Variants in KLHL29 observed in about 807,000 individuals in gnomAD.
The protein encoded by KLHL29 is kelch like family member 29.
In KLHL29, 21 loss-of-function variants were observed where a neutral mutation model predicts 80.4. The observed-to-expected ratio is 0.26, with a 90% CI of 0.19 to 0.38. KLHL29 has a LOEUF of 0.38. KLHL29 is among the 10% of genes least tolerant of loss of function. The pLI, the probability that KLHL29 is intolerant of heterozygous loss-of-function variation, is 1.00. For missense variants in KLHL29, 867 were observed against 1,223.9 expected (o/e 0.71, Z 4.35); for synonymous variants, 511 against 526.8 (o/e 0.97, Z 0.41).
At chr2:23,543,442 C>T (rs1489484489) in intron 2 of KLHL29, among the ~76,000 whole-genome samples, 2 of 152,094 alleles carry the variant, frequency 1.3e-5, no homozygotes, top group Non-Finnish European at 2.9e-5. Flanking sequence ...GTGCCTGACC[C>T]CCAGTAGGTA....
At chr2:23,573,128 C>G (rs1490763316) in intron 3 of KLHL29, among the ~76,000 whole-genome samples, 1 of 152,234 alleles carries the variant, frequency 6.6e-6, no homozygotes, top group Non-Finnish European at 1.5e-5. Context: ...GATTTTACAT[C>G]ATTGGAGCTT....
At chr2:23,614,265 T>C (rs564548) in intron 3 of KLHL29, among the ~76,000 whole-genome samples, 127,310 of 152,158 alleles carry the variant, frequency 0.84, 53,598 homozygotes, top group East Asian at 1. Context: ...ACCTGTGCCC[T>C]GACCACCCTG....
chr2:23,510,109 G>A (rs1665723952), intron 2 of KLHL29, among the ~76,000 whole-genome samples: 1 of 152,104 alleles, frequency 6.6e-6, no homozygotes, highest in Non-Finnish European at 1.5e-5. Context: ...AGACGGAGGT[G>A]GAGCTGAGAG....
intron 2 of KLHL29, among the ~76,000 whole-genome samples, chr2:23,545,905 C>T (rs947923877): frequency 6.6e-6 from 1 of 152,236 alleles, no homozygotes; most frequent in African/African-American, 2.4e-5. Context: ...CATCCAAGGC[C>T]AGTCCTCTGC....
chr2:23,665,504 C>T (rs1197954544), intron 5 of KLHL29, among the ~76,000 whole-genome samples: 1 of 152,218 alleles, frequency 6.6e-6, no homozygotes, highest in African/African-American at 2.4e-5. Context: ...ATGAGCTTAC[C>T]TTTTCAACTA....
intron 5 of KLHL29, among the ~76,000 whole-genome samples, chr2:23,648,586 G>A (rs1344050730): frequency 1.3e-5 from 2 of 152,078 alleles, no homozygotes; most frequent in African/African-American, 2.4e-5. Context: ...CCCTAATTCC[G>A]GGAGCTATCT....
chr2:23,543,211 C>T (rs1253616298), intron 2 of KLHL29, among the ~76,000 whole-genome samples: 2 of 152,188 alleles, frequency 1.3e-5, no homozygotes, highest in African/African-American at 2.4e-5. Context: ...ACCCGAGTCA[C>T]TCGCACACAC....
intron 1 of KLHL29, among the ~76,000 whole-genome samples, chr2:23,423,083 G>A (rs1337912267): frequency 1.3e-5 from 2 of 151,768 alleles, no homozygotes; most frequent in Admixed American, 6.6e-5. Context: ...GAGCCGTGGC[G>A]GGGAGCCGCA....
Position 23,500,548 on chromosome 2 carries a change from A to G in KLHL29, c.-46+24881A>G, listed in dbSNP as rs150243644. 6.4e-3 allele frequency among the ~76,000 whole-genome samples: 972 copies of G among 152,304 alleles called. 5 individuals are homozygous for G. The highest frequency in any genetic ancestry group is 0.017 in the Middle Eastern group (5 of 294). ...ATCTCCTGTCTTCCCCAGCAGAAGGATGGAGAAACAGACAAGCTCCTGATA... is the reference window on the plus strand; with the variant it reads ...ATCTCCTGTCTTCCCCAGCAGAAGGGTGGAGAAACAGACAAGCTCCTGATA... On this transcript the variant is annotated intron_variant, in intron 2 of 13. Transcript: ENST00000486442.
chr2:23,436,923 G>A lies in KLHL29; in HGVS notation c.-153-38637G>A, dbSNP rs182442043. ...CATTGCAGACCAGAAGGAAGGAAATGGAGGATGAATGATTTTAAGCATATT... is the reference window on the plus strand; with the variant it reads ...CATTGCAGACCAGAAGGAAGGAAATAGAGGATGAATGATTTTAAGCATATT... On this transcript the variant is annotated intron_variant, in intron 1 of 13. Coordinates refer to ENST00000486442, the MANE Select transcript of KLHL29 (RefSeq NM_052920.2). 4.6e-5 allele frequency among the ~76,000 whole-genome samples: 7 copies of A among 152,294 alleles called. No homozygotes were observed. In the East Asian group the frequency reaches 1.3e-3, roughly 29 times the overall value.
intron 3 of KLHL29, among the ~76,000 whole-genome samples, chr2:23,633,734 C>G (rs1318969340): frequency 1.1e-5 from 1 of 90,236 alleles, no homozygotes; most frequent in East Asian, 4.2e-4. Flanking sequence ...TCTGACATCT[C>G]TGTCAAAAGA....
chr2:23,446,835 G>A (rs1475809223), intron 1 of KLHL29, among the ~76,000 whole-genome samples: 2 of 152,182 alleles, frequency 1.3e-5, no homozygotes, highest in African/African-American at 2.4e-5. Flanking sequence ...AAAGAGGAGG[G>A]AAGGAAGGAA....
chr2:23,398,952 AG>A (rs1666523380), intron 1 of KLHL29, among the ~76,000 whole-genome samples: 1 of 152,198 alleles, frequency 6.6e-6, no homozygotes, highest in East Asian at 1.9e-4. Context: ...AATGGCTCCC[AG>A]TTTTTCATCT....
intron 2 of KLHL29, chr2:23,524,483 A>G (rs1666231402): frequency 1.3e-5 from 2 of 159,370 alleles, no homozygotes; most frequent in South Asian, 3.6e-4. Flanking sequence ...TCGCGCGTGC[A>G]CTGGTGCCAG....
chr2:23,422,007 A>C (rs1662825584), intron 1 of KLHL29, among the ~76,000 whole-genome samples: 3 of 144,862 alleles, frequency 2.1e-5, no homozygotes, highest in African/African-American at 2.6e-5. Context: ...CTGTCAGTGT[A>C]TCTGTGTGTC....
At chr2:23,398,845 C>T (rs952115593) in intron 1 of KLHL29, among the ~76,000 whole-genome samples, 5 of 151,038 alleles carry the variant, frequency 3.3e-5, no homozygotes, top group African/African-American at 1.2e-4. Context: ...ACACTGGTGG[C>T]AAGTCCATCT....
At chr2:23,608,999 T>C (rs968436494) in intron 3 of KLHL29, among the ~76,000 whole-genome samples, 1 of 152,248 alleles carries the variant, frequency 6.6e-6, no homozygotes, top group Non-Finnish European at 1.5e-5. Flanking sequence ...AGGTTTAGTA[T>C]GAGAGCTCAT....
intron 1 of KLHL29, among the ~76,000 whole-genome samples, chr2:23,453,832 C>T (rs1472931575): frequency 1.3e-5 from 2 of 152,040 alleles, no homozygotes; most frequent in Non-Finnish European, 2.9e-5. Context: ...AATTCGGGCT[C>T]ACTGGTAACT....
At chr2:23,614,276 G>A (rs1427396529) in intron 3 of KLHL29, among the ~76,000 whole-genome samples, 1 of 152,124 alleles carries the variant, frequency 6.6e-6, no homozygotes, top group Non-Finnish European at 1.5e-5. Context: ...GACCACCCTG[G>A]ACACATGTCA....
Sources: gnomAD v4.1 joint callset for allele counts (sites outside exome capture counted in the v4.1 genomes callset) on GRCh38, gnomAD v4.1.1 for gene constraint, MANE v1.5 for transcripts, NCBI Gene and HGNC (gene_info 2026-07-23, HGNC 2026-07-21) for gene names.